ARMH3: variants seen among roughly 807,000 people sequenced by gnomAD.
ARMH3 encodes armadillo like helical domain containing 3.
Under a neutral mutation model 99.1 loss-of-function variants are expected in ARMH3, and 60 were observed. That is an observed-to-expected ratio of 0.61 (90% CI 0.49 to 0.75). The LOEUF is 0.75. ARMH3 is among the 30% of genes least tolerant of loss of function. The probability of loss-of-function intolerance (pLI) is 0.00; values close to 1 mark genes in which losing one functional copy is unlikely to be tolerated. For missense variants in ARMH3, 679 were observed against 843.1 expected, an observed-to-expected ratio of 0.81 and a Z score of 2.41; for synonymous variants, 285 against 292.8, an observed-to-expected ratio of 0.97 and a Z score of 0.27.
intron 23 of ARMH3, among the ~76,000 whole-genome samples, chr10:101,892,055 T>C (rs978137939): frequency 6.6e-6 from 1 of 151,900 alleles, no homozygotes; most frequent in Non-Finnish European, 1.5e-5. Context: ...GAGGTTTCAG[T>C]GAGCCAAGAT....
chr10:101,963,281 TACAGGCACCTGCCACC>T (rs1845385271), intron 20 of ARMH3, among the ~76,000 whole-genome samples: 1 of 152,048 alleles, frequency 6.6e-6, no homozygotes, highest in Admixed American at 6.6e-5. Context: ...TAGCTGGGAC[TACAGGCACCTGCCACC>T]ACACCTGCCT....
At chr10:102,033,407 T>C in intron 2 of ARMH3, 68 bp from the exon 3 acceptor site, 2 of 1,450,272 alleles carry the variant, frequency 1.4e-6, no homozygotes, top group Non-Finnish European at 1.9e-6. Flanking sequence ...ATACTATACA[T>C]AGTCAACCTT....
chr10:101,983,827 T>C (rs1312629567), intron 19 of ARMH3, among the ~76,000 whole-genome samples: 1 of 152,216 alleles, frequency 6.6e-6, no homozygotes. Flanking sequence ...GTAAATGTGT[T>C]TCCCTGAATT....
At chr10:101,928,471 C>T (rs532261152) in intron 23 of ARMH3, among the ~76,000 whole-genome samples, 104 of 152,270 alleles carry the variant, frequency 6.8e-4, no homozygotes, top group Admixed American at 1.8e-3. Context: ...GGGCCACAAT[C>T]GGCAGGCCCT....
At chr10:101,857,851 C>T (rs2066771256) in intron 24 of ARMH3, among the ~76,000 whole-genome samples, 2 of 152,154 alleles carry the variant, frequency 1.3e-5, no homozygotes, top group African/African-American at 2.4e-5. Context: ...TAAATTTAGC[C>T]TCCCACTCTT....
In ARMH3 at chr10:101,993,574, A is replaced by G. The variant is rs565670638; in HGVS notation, c.1239T>C (p.Asp413=). The stretch of plus-strand genomic sequence containing the variant: ...AGTTTACTCGAAAATTCATGTTGTC[A>G]TCATGCAAAAATGCATTGGCATATT... ...EDQYANAFLH[D]DNMNFRVNLH... Residue 413 remains aspartate (D), a synonymous_variant, in exon 17 of 26, where the codon GAT becomes GAC. Coordinates refer to ENST00000370033, the MANE Select transcript of ARMH3 (RefSeq NM_024541.3). The G allele has an allele frequency of 1.9e-6, 3 of 1,602,084 alleles. No homozygotes were observed. Among genetic ancestry groups the G allele is most frequent in the African/African-American group, 2.7e-5 (2 of 74,464 alleles).
intron 13 of ARMH3, among the ~76,000 whole-genome samples, chr10:102,007,613 G>A (rs1216655031): frequency 7.0e-6 from 1 of 143,814 alleles, no homozygotes; most frequent in Non-Finnish European, 1.5e-5. Flanking sequence ...GAGGTCAGGG[G>A]ATCAAGACCA....
intron 2 of ARMH3, among the ~76,000 whole-genome samples, chr10:102,039,194 G>C (rs55746607): frequency 6.6e-6 from 1 of 152,090 alleles, no homozygotes; most frequent in Non-Finnish European, 1.5e-5. Flanking sequence ...GCCCAGGCTG[G>C]AGTGTAGTGG....
chr10:101,898,496 A>G (rs1056465923), intron 23 of ARMH3, among the ~76,000 whole-genome samples: 1 of 152,224 alleles, frequency 6.6e-6, no homozygotes, highest in Non-Finnish European at 1.5e-5. Context: ...CAATAAATAA[A>G]TAGTTTCATT....
At chr10:101,897,109 T>A (rs1220687900) in intron 23 of ARMH3, among the ~76,000 whole-genome samples, 1 of 152,180 alleles carries the variant, frequency 6.6e-6, no homozygotes, top group East Asian at 1.9e-4. Context: ...CCCACATTAT[T>A]CAGGGAAACA....
chr10:101,969,310 A>T (rs1030508739), intron 20 of ARMH3, among the ~76,000 whole-genome samples: 1 of 152,242 alleles, frequency 6.6e-6, no homozygotes, highest in African/African-American at 2.4e-5. Context: ...AAAGTTTAAA[A>T]AAGAAACTAA....
rs780547260 is a variant in ARMH3 at position 101,976,168 on chromosome 10, C to CAAA, written c.1407-871_1407-869dup. On this transcript the variant is annotated intron_variant, in intron 19 of 25. Coordinates refer to ENST00000370033, the MANE Select transcript of ARMH3 (RefSeq NM_024541.3). ...TGGGTGACAGAGTGAGACTCTGTCT[C>CAAA]AAAAAAAAAAAAAAAAAAAAAAAAA... Among the ~76,000 whole-genome samples, 49 of 23,168 alleles carry CAAA rather than the reference C, an allele frequency of 2.1e-3. 1 individual carries two copies. Among genetic ancestry groups the CAAA allele is most frequent in the East Asian group, 7.1e-3 (4 of 564 alleles). The allele number at this position is 23,168 out of a possible 152,430, so 15.2% of individuals were successfully genotyped here. A position where few individuals can be genotyped will look rare whatever the true frequency, so the allele number is the denominator to read the frequency against.
In ARMH3 at chr10:101,985,344, T is replaced by G. The variant is rs939397605; in HGVS notation, c.1406+5207A>C. Among the ~76,000 whole-genome samples the G allele has an allele frequency of 2.0e-5, 3 of 151,134 alleles. No individual in the cohort carries two copies. In the East Asian group the frequency reaches 5.8e-4, roughly 29 times the overall value. On this transcript the variant is annotated intron_variant, in intron 19 of 25. Transcript: ENST00000370033. Reference sequence around the variant, plus strand: ...TATATATACAGATCGCATGGGTTTATATATACACATATATGTATACATGTA... The same window carrying G: ...TATATATACAGATCGCATGGGTTTAGATATACACATATATGTATACATGTA...
At chr10:102,052,842 CCTA>C (rs1210492697) in intron 1 of ARMH3, among the ~76,000 whole-genome samples, 2 of 152,096 alleles carry the variant, frequency 1.3e-5, no homozygotes, top group Non-Finnish European at 2.9e-5. Flanking sequence ...CTTCCAGCTG[CCTA>C]CTAAGGTCTC....
intron 22 of ARMH3, among the ~76,000 whole-genome samples, chr10:101,941,210 C>G (rs1379180020): frequency 2.0e-5 from 3 of 152,168 alleles, no homozygotes; most frequent in Non-Finnish European, 4.4e-5. Flanking sequence ...AGCCAATGGT[C>G]AGGGTCCAAG....
intron 23 of ARMH3, among the ~76,000 whole-genome samples, chr10:101,917,550 C>T (rs1324241616): frequency 6.6e-6 from 1 of 152,238 alleles, no homozygotes; most frequent in East Asian, 1.9e-4. Flanking sequence ...AATAAAGCCA[C>T]TATAAACATT....
chr10:102,047,933 G>A (rs1244887220), intron 1 of ARMH3, among the ~76,000 whole-genome samples: 2 of 152,170 alleles, frequency 1.3e-5, no homozygotes, highest in Non-Finnish European at 2.9e-5. Flanking sequence ...ACTAGGTAGA[G>A]GCCAGGGATG....
rs745363316 is a variant in ARMH3 at position 101,975,245 on chromosome 10, G to A, written c.1462C>T (p.Arg488Cys). 2.5e-6 allele frequency: 4 copies of A among 1,612,018 alleles called. No homozygotes were observed. Among genetic ancestry groups the A allele is most frequent in the Admixed American group, 1.7e-5 (1 of 59,938 alleles). The part of the protein sequence containing the change: ...LLCYQKKCRV[R>C]LHYTWRELWS... ...AGCTCCCGCCAGGTGTAATGCAGGC[G>A]TACCCGACACTTCTTCTGGTAGCAG... Residue 488 changes from arginine (R) to cysteine (C), a missense_variant, in exon 20 of 26, where the codon CGC becomes TGC. Physicochemically the swap from Arg to Cys is radical, Grantham distance 180. This residue lies in a region of ARMH3 where 389 missense variants were observed against 456.5 expected (regional missense o/e 0.85). Transcript: ENST00000370033.
intron 19 of ARMH3, among the ~76,000 whole-genome samples, chr10:101,985,074 TATATAC>T (rs1330019169): frequency 7.6e-5 from 5 of 65,832 alleles, no homozygotes; most frequent in African/African-American, 2.6e-4. Context: ...TCTAAAAATA[TATATAC>T]ACACACACAC....
Sources: allele counts gnomAD v4.1 joint callset (sites outside exome capture counted in the v4.1 genomes callset), GRCh38; gene constraint gnomAD v4.1.1; regional missense constraint gnomAD v4.1.1; transcripts MANE v1.5; gene names NCBI Gene and HGNC (gene_info 2026-07-23, HGNC 2026-07-21).